The following SNX2 variants were observed in gnomAD, a reference collection of about 807,000 sequenced individuals.
SNX2 encodes the protein sorting nexin 2, also known as sorting nexin-2.
A neutral mutation model predicts 69.9 loss-of-function variants in SNX2; 25 were observed. That is an observed-to-expected ratio of 0.36 (90% CI 0.26 to 0.50). The LOEUF (loss-of-function observed/expected upper bound fraction) is 0.50, where lower values mean the gene tolerates loss of function less well. Ranked by LOEUF, SNX2 falls within the 20% of genes least tolerant of loss-of-function variation. The pLI is 0.97. For missense variants in SNX2, 551 were observed against 613.3 expected, an observed-to-expected ratio of 0.90 and a Z score of 1.07; for synonymous variants, 229 against 200.4, an observed-to-expected ratio of 1.14 and a Z score of -1.20.
intron 2 of SNX2, among the ~76,000 whole-genome samples, chr5:122,798,289 G>T (rs1037959661): frequency 6.6e-6 from 1 of 151,928 alleles, no homozygotes; most frequent in Admixed American, 6.6e-5. Flanking sequence ...CTTATCTATA[G>T]CCTGTTTCAA....
chr5:122,781,044 G>C (rs56007922), intron 1 of SNX2, among the ~76,000 whole-genome samples: 1 of 152,134 alleles, frequency 6.6e-6, no homozygotes, highest in Non-Finnish European at 1.5e-5. Context: ...CGTGATTCAA[G>C]TTGACCACTT....
chr5:122,830,278 A>G lies in SNX2; in HGVS notation c.*630A>G, dbSNP rs919293435. Among the ~76,000 whole-genome samples, 1 of 152,214 alleles carries G rather than the reference A, an allele frequency of 6.6e-6. No homozygotes were observed. Among genetic ancestry groups the G allele is most frequent in the African/African-American group, 2.4e-5 (1 of 41,466 alleles). On this transcript the variant is annotated 3_prime_UTR_variant, in exon 15 of 15. Coordinates refer to ENST00000379516, the MANE Select transcript of SNX2 (RefSeq NM_003100.4). Reference sequence around the variant, plus strand: ...GACTAAATGAAGCTTAAGTTTTCTTATGAAACCATCATAAATCAAAGAACA... The same window carrying G: ...GACTAAATGAAGCTTAAGTTTTCTTGTGAAACCATCATAAATCAAAGAACA...
At chr5:122,817,179 A>T in intron 9 of SNX2, 101 bp from the exon 10 acceptor site, 2 of 1,251,222 alleles carry the variant, frequency 1.6e-6, no homozygotes, top group Non-Finnish European at 2.3e-6. Flanking sequence ...TTATAAGGTT[A>T]ATTTGTTGCT....
chr5:122,827,709 T>TA lies in SNX2; in HGVS notation c.1509+68dup, dbSNP rs796222561. ...TTGTTTTTGGTATACTTTCTTATTTTAAAAAGATGATTAATGAACTGGGCA... is the reference window on the plus strand; with the variant it reads ...TTGTTTTTGGTATACTTTCTTATTTTAAAAAAGATGATTAATGAACTGGGCA... On this transcript the variant is annotated intron_variant, in intron 14 of 14. Transcript: ENST00000379516. 102 of 1,143,774 alleles carry TA rather than the reference T, an allele frequency of 8.9e-5. No individual in the cohort carries two copies. The African/African-American group carries it at 1.4e-3, about 16-fold the overall frequency. The allele number at this position is 1,143,774 out of a possible 1,614,324, so 70.9% of individuals were successfully genotyped here. A position where few individuals can be genotyped will look rare whatever the true frequency, so the allele number is the denominator to read the frequency against.
intron 11 of SNX2, among the ~76,000 whole-genome samples, chr5:122,821,077 T>C (rs188749028): frequency 6.6e-6 from 1 of 152,338 alleles, no homozygotes; most frequent in African/African-American, 2.4e-5. Flanking sequence ...AATTAAGATA[T>C]TATGGAAGGA....
chr5:122,826,764 AT>A, intron 12 of SNX2: 1 of 347,222 alleles, frequency 2.9e-6, no homozygotes, highest in Non-Finnish European at 4.1e-6. Context: ...ATCTTCAGTT[AT>A]TTTAGTTGTT....
rs777842552 is a variant in SNX2 at position 122,832,865 on chromosome 5, G to GAT, written c.*3219_*3220dup. The GAT allele has an allele frequency of 1.2e-4, 19 of 152,324 alleles. No homozygotes were observed. The highest frequency in any genetic ancestry group is 2.5e-4 in the Non-Finnish European group (17 of 68,026). 9.4% of individuals were successfully genotyped at this position (152,324 alleles called of 1,614,324 possible). A position where few individuals can be genotyped will look rare whatever the true frequency, so the allele number is the denominator to read the frequency against. ...CAGTCATGTTAACAAGAGTCAGGGA[G>GAT]ATAGCAGATATTCCATAATAGTGAC... is the stretch of plus-strand genomic sequence containing the variant. On this transcript the variant is annotated 3_prime_UTR_variant, in exon 15 of 15. Coordinates refer to ENST00000379516, the MANE Select transcript of SNX2 (RefSeq NM_003100.4).
At chr5:122,796,473 CTT>C (rs3836761) in intron 2 of SNX2, among the ~76,000 whole-genome samples, 1 of 151,966 alleles carries the variant, frequency 6.6e-6, no homozygotes, top group Non-Finnish European at 1.5e-5. Context: ...ATCATCTTCT[CTT>C]TAAAATTTTA....
chr5:122,791,574 G>A (rs1465852298), intron 1 of SNX2, among the ~76,000 whole-genome samples: 1 of 152,192 alleles, frequency 6.6e-6, no homozygotes, highest in African/African-American at 2.4e-5. Flanking sequence ...GGGCCACTGC[G>A]CCCAGCCTAA....
At chr5:122,819,664 G>A (rs7718104) in intron 11 of SNX2, among the ~76,000 whole-genome samples, 2 of 152,034 alleles carry the variant, frequency 1.3e-5, no homozygotes, top group East Asian at 3.9e-4. Flanking sequence ...ACGTTACCCA[G>A]TGTATCATGT....
chr5:122,804,851 A>G (rs1259555230), intron 6 of SNX2, among the ~76,000 whole-genome samples: 1 of 152,030 alleles, frequency 6.6e-6, no homozygotes, highest in African/African-American at 2.4e-5. Flanking sequence ...CTTTAAAGTA[A>G]TTATCTTCTC....
At chr5:122,776,573 T>G (rs987060636) in intron 1 of SNX2, among the ~76,000 whole-genome samples, 2 of 152,204 alleles carry the variant, frequency 1.3e-5, no homozygotes, top group African/African-American at 4.8e-5. Flanking sequence ...AAAATTATCT[T>G]GCAGAATATA....
intron 1 of SNX2, among the ~76,000 whole-genome samples, chr5:122,788,131 A>G (rs554839772): frequency 5.3e-5 from 8 of 152,254 alleles, no homozygotes; most frequent in African/African-American, 1.4e-4. Flanking sequence ...TTCACCTTCA[A>G]TCCTGGAGGA....
intron 11 of SNX2, 34 bp downstream of exon 11, chr5:122,819,057 C>A (rs1459851583): frequency 6.6e-7 from 1 of 1,520,142 alleles, no homozygotes; most frequent in Non-Finnish European, 9.1e-7. Context: ...TCACTTGTGT[C>A]GTGTACTTTA....
chr5:122,816,908 A>T lies in SNX2; in HGVS notation c.799-7A>T. The T allele has an allele frequency of 1.3e-6, 2 of 1,590,212 alleles. No individual in the cohort carries two copies. Among genetic ancestry groups the T allele is most frequent in the South Asian group, 2.2e-5 (2 of 89,622 alleles). On this transcript the variant is annotated splice_polypyrimidine_tract_variant and splice_region_variant and intron_variant, in intron 8 of 14. Transcript: ENST00000379516. Reference sequence around the variant, plus strand: ...TTTGTTTGCCCTTATTTGTCATTCAATTCCAGCTGCCTAGAGCAGTTAATA... The same window carrying T: ...TTTGTTTGCCCTTATTTGTCATTCATTTCCAGCTGCCTAGAGCAGTTAATA...
intron 2 of SNX2, among the ~76,000 whole-genome samples, chr5:122,795,820 T>C (rs1042199465): frequency 6.6e-6 from 1 of 152,202 alleles, no homozygotes; most frequent in African/African-American, 2.4e-5. Context: ...TCTGTTCCAT[T>C]TGACCCACTT....
Position 122,829,624 on chromosome 5 carries a change from A to G in SNX2, c.1536A>G (p.Leu512=). The change falls in exon 15 of 15, where the codon CTA becomes CTG. Residue 512 remains leucine (L), a synonymous_variant. Transcript: ENST00000379516. ...QQLIKYWEAF[L]PEAKAIA is the part of the protein sequence containing the mutation. ...TGATAAAATACTGGGAAGCATTCCT[A>G]CCTGAAGCCAAAGCCATTGCCTAGC... 1 of 1,613,496 alleles carries G rather than the reference A, an allele frequency of 6.2e-7. No individual in the cohort carries two copies. Among genetic ancestry groups the G allele is most frequent in the South Asian group, 1.1e-5 (1 of 91,072 alleles).
At chr5:122,780,837 G>C (rs1221797602) in intron 1 of SNX2, among the ~76,000 whole-genome samples, 1 of 151,922 alleles carries the variant, frequency 6.6e-6, no homozygotes, top group East Asian at 1.9e-4. Flanking sequence ...TAGAGTGCTG[G>C]GATTACAGGC....
At chr5:122,799,288 C>T (rs1258505904) in intron 2 of SNX2, among the ~76,000 whole-genome samples, 1 of 152,124 alleles carries the variant, frequency 6.6e-6, no homozygotes, top group Non-Finnish European at 1.5e-5. Flanking sequence ...TAGTTGTGGA[C>T]AGACTTCCAC....
Sources: gnomAD v4.1 joint callset for allele counts (sites outside exome capture counted in the v4.1 genomes callset) on GRCh38, gnomAD v4.1.1 for gene constraint, MANE v1.5 for transcripts, NCBI Gene and HGNC (gene_info 2026-07-23, HGNC 2026-07-21) for gene names.